ZNF469: variants seen among roughly 807,000 people sequenced by gnomAD.
ZNF469 encodes zinc finger protein 469.
ZNF469 carries 1 observed loss-of-function variant against 1.0 expected under a neutral mutation model. The ratio of observed to expected loss-of-function variants is 1.00; its 90% confidence interval spans 0.35 to 4.73. The LOEUF is 4.73. Among genes scored for constraint, ZNF469 ranks in the 30% most tolerant of loss-of-function variants. The probability of loss-of-function intolerance (pLI) is 0.16; values close to 1 mark genes in which losing one functional copy is unlikely to be tolerated. For missense variants in ZNF469, 6,100 were observed against 5,356.3 expected, an observed-to-expected ratio of 1.14 and a Z score of -4.33; for synonymous variants, 2,703 against 2,363.4, an observed-to-expected ratio of 1.14 and a Z score of -4.17.
chr16:88,273,650 A>C, the ZNF469 span, among the ~76,000 whole-genome samples: 3 of 152,222 alleles, frequency 2.0e-5, no homozygotes, highest in African/African-American at 7.2e-5. Context: ...TTTTGTGTAC[A>C]TACCCAAATG....
chr16:88,273,930 G>A, the ZNF469 span, among the ~76,000 whole-genome samples: 1,077 of 151,684 alleles, frequency 7.1e-3, 64 homozygotes, highest in South Asian at 0.14. Context: ...TCAGCCTCCC[G>A]TGTAGCTGGA....
chr16:88,389,707 C>A (rs1458226267), intron 1 of ZNF469, among the ~76,000 whole-genome samples: 2 of 152,146 alleles, frequency 1.3e-5, no homozygotes, highest in African/African-American at 4.8e-5. Flanking sequence ...GGAATGGGGC[C>A]AGGATTCAAA....
At chr16:88,120,790 G>A in the ZNF469 span, among the ~76,000 whole-genome samples, 1 of 152,174 alleles carries the variant, frequency 6.6e-6, no homozygotes, top group Non-Finnish European at 1.5e-5. Flanking sequence ...TGTCGACGGC[G>A]TCTCGTATGA....
intron 2 of ZNF469, among the ~76,000 whole-genome samples, chr16:88,426,057 G>A (rs1905684564): frequency 6.6e-6 from 1 of 152,354 alleles, no homozygotes; most frequent in African/African-American, 2.4e-5. Flanking sequence ...GGAGTCCCCA[G>A]GCGGCTGTAG....
the ZNF469 span, chr16:88,194,658 T>C: frequency 6.6e-6 from 1 of 152,302 alleles, no homozygotes; most frequent in Non-Finnish European, 1.5e-5. Flanking sequence ...CCCCGTGCTT[T>C]TGTGACTTGA....
chr16:88,331,110 G>A, the ZNF469 span, among the ~76,000 whole-genome samples: 197 of 110,418 alleles, frequency 1.8e-3, 2 homozygotes, highest in African/African-American at 6.6e-3. Context: ...TGTCACCATC[G>A]CCACCACCAT....
At chr16:88,165,545 G>A in the ZNF469 span, among the ~76,000 whole-genome samples, 2 of 152,222 alleles carry the variant, frequency 1.3e-5, no homozygotes, top group South Asian at 2.1e-4. Flanking sequence ...CAGCTGGTGA[G>A]AATCTCTGGG....
At chr16:88,143,462 C>G in the ZNF469 span, among the ~76,000 whole-genome samples, 1 of 152,230 alleles carries the variant, frequency 6.6e-6, no homozygotes, top group African/African-American at 2.4e-5. Context: ...GATGCCCCCC[C>G]ACTCCTTCCC....
the ZNF469 span, among the ~76,000 whole-genome samples, chr16:88,367,351 G>A: frequency 2.0e-5 from 3 of 152,308 alleles, no homozygotes; most frequent in African/African-American, 7.2e-5. Flanking sequence ...GAACAAGAGG[G>A]GTTAAGCTCA....
the ZNF469 span, among the ~76,000 whole-genome samples, chr16:88,297,198 G>A: frequency 2.0e-5 from 3 of 152,214 alleles, no homozygotes; most frequent in East Asian, 1.9e-4. Flanking sequence ...GCTCAGTGGC[G>A]ATGGGAGATT....
chr16:88,305,718 A>G, the ZNF469 span, among the ~76,000 whole-genome samples: 1 of 152,178 alleles, frequency 6.6e-6, no homozygotes, highest in African/African-American at 2.4e-5. Context: ...ATACTCTCAT[A>G]CCTGCACACT....
chr16:88,249,577 C>A, the ZNF469 span, among the ~76,000 whole-genome samples: 2 of 151,830 alleles, frequency 1.3e-5, no homozygotes, highest in Non-Finnish European at 2.9e-5. Context: ...GCTGGGACTA[C>A]AGGTGCCTGC....
At chr16:88,403,225 G>C (rs538965568) in intron 1 of ZNF469, among the ~76,000 whole-genome samples, 2 of 152,362 alleles carry the variant, frequency 1.3e-5, no homozygotes, top group East Asian at 3.9e-4. Flanking sequence ...GGGTGGCCAT[G>C]CATCCTGGTT....
At chr16:88,162,495 G>A in the ZNF469 span, among the ~76,000 whole-genome samples, 1 of 151,874 alleles carries the variant, frequency 6.6e-6, no homozygotes, top group Admixed American at 6.6e-5. Context: ...CAATACAAAG[G>A]ATTTTATAAA....
chr16:88,417,028 G>T (rs1029903618), intron 1 of ZNF469, among the ~76,000 whole-genome samples: 1 of 152,220 alleles, frequency 6.6e-6, no homozygotes, highest in Non-Finnish European at 1.5e-5. Flanking sequence ...CTGTGACAGG[G>T]TGAGGGCTGA....
At chr16:88,120,445 G>A in the ZNF469 span, among the ~76,000 whole-genome samples, 2 of 152,274 alleles carry the variant, frequency 1.3e-5, no homozygotes, top group Non-Finnish European at 2.9e-5. Flanking sequence ...GGGAAACAGC[G>A]GAGATGGCGC....
intron 2 of ZNF469, among the ~76,000 whole-genome samples, chr16:88,427,144 G>T (rs1015620555): frequency 2.0e-5 from 3 of 152,090 alleles, no homozygotes; most frequent in African/African-American, 4.8e-5. Flanking sequence ...TGTTCCATCT[G>T]GCGGGATGCC....
chr16:88,437,123 T>G lies in ZNF469; in HGVS notation c.9653T>G (p.Leu3218Arg), dbSNP rs1239387543. The G allele has an allele frequency of 1.9e-6, 3 of 1,548,352 alleles. No homozygotes were observed. The highest frequency in any genetic ancestry group is 1.7e-6 in the Non-Finnish European group (2 of 1,146,584). Reference sequence around the variant, plus strand: ...TCCTTGGGGGACCTGCCCGGAGGCCTGGAGGGCAGCAGCGCTGTCGCCCAC... The same window carrying G: ...TCCTTGGGGGACCTGCCCGGAGGCCGGGAGGGCAGCAGCGCTGTCGCCCAC... ...RRSLGDLPGGLEGSSAVAHLL... is the reference protein window; with the variant it reads ...RRSLGDLPGGREGSSAVAHLL... Residue 3218 changes from leucine (L) to arginine (R), a missense_variant, in exon 3 of 3, where the codon CTG becomes CGG. Leu to Arg is a moderately radical substitution (Grantham distance 102). Coordinates refer to ENST00000565624, the MANE Select transcript of ZNF469 (RefSeq NM_001367624.2).
chr16:88,192,444 G>A, the ZNF469 span, among the ~76,000 whole-genome samples: 6 of 152,282 alleles, frequency 3.9e-5, no homozygotes, highest in East Asian at 7.7e-4. Context: ...GATGACATGC[G>A]GTAATAAGGA....
Sources: allele counts gnomAD v4.1 joint callset (sites outside exome capture counted in the v4.1 genomes callset), GRCh38; gene constraint gnomAD v4.1.1; transcripts MANE v1.5; gene names NCBI Gene and HGNC (gene_info 2026-07-23, HGNC 2026-07-21).